SGK3: variants seen among roughly 807,000 people sequenced by gnomAD.
The protein encoded by SGK3 is serine/threonine-protein kinase Sgk3.
In SGK3, 47 loss-of-function variants were observed where a neutral mutation model predicts 68.5. The ratio of observed to expected loss-of-function variants is 0.69; its 90% CI spans 0.54 to 0.87. SGK3 has a LOEUF of 0.87. Among genes scored for constraint, SGK3 ranks in the 40% least tolerant of loss-of-function variants. The probability of loss-of-function intolerance (pLI) is 0.00; values close to 1 mark genes in which losing one functional copy is unlikely to be tolerated. For synonymous variants in SGK3, 181 were observed against 189.1 expected (o/e 0.96, Z 0.35); for missense variants, 479 against 575.5 (o/e 0.83, Z 1.72).
In SGK3 at chr8:66,793,717, G is replaced by C. The variant is rs769366639; in HGVS notation, c.-20G>C. The C allele has an allele frequency of 2.5e-6, 4 of 1,604,834 alleles. No homozygotes were observed. The highest frequency in any genetic ancestry group is 1.7e-5 in the Admixed American group (1 of 59,014). ...ACTGTTTCTTCGGATGCATTTTTTG[G>C]TGTGCTCTTGAGGGATTAAATGCAA... On this transcript the variant is annotated 5_prime_UTR_variant, in exon 2 of 17. Transcript: ENST00000521198.
chr8:66,754,457 G>GTAATCTT (rs1379596296), intron 1 of SGK3, among the ~76,000 whole-genome samples: 1 of 152,136 alleles, frequency 6.6e-6, no homozygotes, highest in African/African-American at 2.4e-5. Context: ...CTGATTTGCT[G>GTAATCTT]GGACAGGTTG....
chr8:66,767,247 T>G, intron 1 of SGK3: 1 of 558,570 alleles, frequency 1.8e-6, no homozygotes, highest in Admixed American at 3.2e-5. Flanking sequence ...TTATCCCATT[T>G]TATGTCCTTT....
intron 4 of SGK3, among the ~76,000 whole-genome samples, chr8:66,812,578 G>A (rs1326493150): frequency 1.3e-5 from 2 of 151,514 alleles, no homozygotes; most frequent in African/African-American, 2.4e-5. Context: ...AAAAAAGAGG[G>A]TTTAGGATAA....
At chr8:66,769,721 A>G (rs183337083) in intron 1 of SGK3, among the ~76,000 whole-genome samples, 3 of 152,056 alleles carry the variant, frequency 2.0e-5, no homozygotes, top group East Asian at 1.9e-4. Context: ...TTTTGAGTAT[A>G]TTACTATTGT....
intron 1 of SGK3, among the ~76,000 whole-genome samples, chr8:66,736,458 AAT>A (rs1170404344): frequency 6.6e-6 from 1 of 151,748 alleles, no homozygotes; most frequent in Non-Finnish European, 1.5e-5. Context: ...AGTAATTAAT[AAT>A]ATATATATAT....
At chr8:66,844,745 T>C (rs1809937968) in intron 14 of SGK3, among the ~76,000 whole-genome samples, 2 of 152,242 alleles carry the variant, frequency 1.3e-5, no homozygotes, top group Admixed American at 6.5e-5. Context: ...TATTGAAAAC[T>C]GTGGCGCTTA....
At chr8:66,812,181 A>T (rs1195175715) in intron 4 of SGK3, among the ~76,000 whole-genome samples, 1 of 152,198 alleles carries the variant, frequency 6.6e-6, no homozygotes, top group Non-Finnish European at 1.5e-5. Flanking sequence ...TGTCAAGTGG[A>T]ATATTTTTTA....
intron 10 of SGK3, among the ~76,000 whole-genome samples, chr8:66,836,771 CTTT>C (rs35857638): frequency 5.1e-5 from 6 of 118,088 alleles, no homozygotes; most frequent in Non-Finnish European, 5.3e-5. Flanking sequence ...GTCAGGATAT[CTTT>C]TTTTTTTTTT....
At chr8:66,796,439 A>G (rs750009977) in intron 2 of SGK3, among the ~76,000 whole-genome samples, 5 of 131,916 alleles carry the variant, frequency 3.8e-5, no homozygotes, top group Non-Finnish European at 7.7e-5. Flanking sequence ...TGCTGGGATT[A>G]TAGGCATGAG....
At chr8:66,722,096 A>G (rs1586669012) in intron 1 of SGK3, among the ~76,000 whole-genome samples, 1 of 152,160 alleles carries the variant, frequency 6.6e-6, no homozygotes, top group East Asian at 1.9e-4. Context: ...AGTTAGGGAT[A>G]GAGGATCAGG....
intron 1 of SGK3, among the ~76,000 whole-genome samples, chr8:66,770,598 T>C (rs1413069295): frequency 6.6e-6 from 1 of 152,194 alleles, no homozygotes; most frequent in Non-Finnish European, 1.5e-5. Flanking sequence ...CTGCATTGAG[T>C]TGGGAACGTT....
At chr8:66,850,141 CCA>C (rs1810212704) in intron 15 of SGK3, among the ~76,000 whole-genome samples, 1 of 152,196 alleles carries the variant, frequency 6.6e-6, no homozygotes, top group Non-Finnish European at 1.5e-5. Context: ...AACCTCTTTG[CCA>C]CCTCAGAGCC....
chr8:66,796,877 A>G (rs958280530), intron 2 of SGK3, among the ~76,000 whole-genome samples: 4 of 151,958 alleles, frequency 2.6e-5, no homozygotes, highest in Non-Finnish European at 4.4e-5. Flanking sequence ...AGATAATGTC[A>G]TATTGTATTA....
chr8:66,790,565 C>T (rs1454998088), intron 1 of SGK3, among the ~76,000 whole-genome samples: 1 of 152,194 alleles, frequency 6.6e-6, no homozygotes, highest in African/African-American at 2.4e-5. Context: ...CTCTGCAACC[C>T]TAGACATCAA....
rs377580299 is a variant in SGK3, at chr8:66,813,029, G to A, written c.254-824G>A. ...AGCACTTTGGGAGGCCGAGGAGGGT[G>A]GATTGCTTGAGCCCAGGAGTTCAAG... On this transcript the variant is annotated intron_variant, in intron 4 of 16. Coordinates refer to ENST00000521198, the MANE Select transcript of SGK3 (RefSeq NM_001033578.3). 2.6e-5 allele frequency among the ~76,000 whole-genome samples: 4 copies of A among 152,168 alleles called. No homozygotes were observed. In the South Asian group the frequency reaches 6.2e-4, roughly 24 times the overall value.
intron 12 of SGK3, among the ~76,000 whole-genome samples, chr8:66,840,509 T>TAC (rs200445742): frequency 6.6e-6 from 1 of 151,880 alleles, no homozygotes; most frequent in South Asian, 2.1e-4. Context: ...TGCGTAGAGC[T>TAC]ACACACACAC....
chr8:66,769,950 AT>A (rs1488778088), intron 1 of SGK3, among the ~76,000 whole-genome samples: 1 of 151,358 alleles, frequency 6.6e-6, no homozygotes, highest in Non-Finnish European at 1.5e-5. Flanking sequence ...AGTTTTAGTG[AT>A]TACTTTTTTT....
chr8:66,734,130 A>G (rs995096438), intron 1 of SGK3, among the ~76,000 whole-genome samples: 2 of 151,682 alleles, frequency 1.3e-5, no homozygotes, highest in Admixed American at 6.6e-5. Context: ...TGGAGAAACT[A>G]TCGCTGCTTT....
rs549531947 is a variant in SGK3, at chr8:66,717,032, C to G, written c.-122+4199C>G. On this transcript the variant is annotated intron_variant, in intron 1 of 16. Coordinates refer to ENST00000521198, the MANE Select transcript of SGK3 (RefSeq NM_001033578.3). The stretch of plus-strand genomic sequence containing the variant: ...CCAACACGGCGAAACCCTGTCTCTA[C>G]TAAAAAAAAAAAAAATACATAAATT... Among the ~76,000 whole-genome samples the G allele has an allele frequency of 7.4e-5, 11 of 147,656 alleles. No individual in the cohort carries two copies. The South Asian group carries it at 1.1e-3, about 14-fold the overall frequency.
Sources: allele counts gnomAD v4.1 joint callset (sites outside exome capture counted in the v4.1 genomes callset), GRCh38; gene constraint gnomAD v4.1.1; transcripts MANE v1.5; gene names NCBI Gene and HGNC (gene_info 2026-07-23, HGNC 2026-07-21).